PCDHGA4: variants seen among roughly 807,000 people sequenced by gnomAD.
PCDHGA4 encodes protocadherin gamma subfamily A, 4.
PCDHGA4 carries 38 observed loss-of-function variants against 54.6 expected under a neutral mutation model. That is an observed-to-expected ratio of 0.70 (90% CI 0.54 to 0.91). The LOEUF (loss-of-function observed/expected upper bound fraction) is 0.91. Among genes scored for constraint, PCDHGA4 ranks in the 40% least tolerant of loss-of-function variants. The pLI is 0.00. For synonymous variants in PCDHGA4, 511 were observed against 512.9 expected (o/e 1.00, Z 0.05); for missense variants, 1,298 against 1,220.9 (o/e 1.06, Z -0.94).
At chr5:141,466,508 T>C (rs2099123841) in intron 1 of PCDHGA4, among the ~76,000 whole-genome samples, 1 of 152,190 alleles carries the variant, frequency 6.6e-6, no homozygotes, top group African/African-American at 2.4e-5. Context: ...ACAGACAAGA[T>C]CATTTTTTTT....
Position 141,494,869 on chromosome 5 carries a change from G to A in PCDHGA4, c.2573+4G>A. 6.2e-7 allele frequency: 1 copy of A among 1,614,144 alleles called. No individual in the cohort carries two copies. Among genetic ancestry groups the A allele is most frequent in the Non-Finnish European group, 8.5e-7 (1 of 1,180,010 alleles). On this transcript the variant is annotated splice_donor_region_variant and intron_variant, in intron 2 of 3. Coordinates refer to ENST00000571252, the MANE Select transcript of PCDHGA4 (RefSeq NM_018917.4). The stretch of plus-strand genomic sequence containing the variant: ...CCCAGAGACCCGGCACCAGCGGGTA[G>A]GTGACTGATTCTCCAGCCCACCCTC...
At chr5:141,394,050 G>GA (rs2092909261) in intron 1 of PCDHGA4, 4 of 1,613,594 alleles carry the variant, frequency 2.5e-6, no homozygotes, top group Non-Finnish European at 3.4e-6. Context: ...TTTGGACCGA[G>GA]AAAATGTCTC....
intron 1 of PCDHGA4, among the ~76,000 whole-genome samples, chr5:141,472,192 C>A (rs2099274015): frequency 1.3e-5 from 2 of 152,134 alleles, no homozygotes; most frequent in South Asian, 2.1e-4. Context: ...GAATTTGAAT[C>A]TTTTTGACAC....
chr5:141,404,833 C>G (rs754055876), intron 1 of PCDHGA4: 1 of 1,613,844 alleles, frequency 6.2e-7, no homozygotes, highest in Admixed American at 1.7e-5. Flanking sequence ...GTGAAGTGCG[C>G]ACAGCTCGGG....
intron 3 of PCDHGA4, among the ~76,000 whole-genome samples, chr5:141,509,686 G>A (rs1350812680): frequency 6.6e-6 from 1 of 152,212 alleles, no homozygotes; most frequent in Non-Finnish European, 1.5e-5. Flanking sequence ...CTTCTGTACA[G>A]TGGGACGTTG....
chr5:141,473,497 C>T (rs2099323546), intron 1 of PCDHGA4, among the ~76,000 whole-genome samples: 1 of 152,106 alleles, frequency 6.6e-6, no homozygotes, highest in Non-Finnish European at 1.5e-5. Context: ...ATAAGGTGTT[C>T]TGAGAGAGCA....
chr5:141,383,504 G>A lies in PCDHGA4; in HGVS notation c.2514+25883G>A, dbSNP rs373658496. On this transcript the variant is annotated intron_variant, in intron 1 of 3. Coordinates refer to ENST00000571252, the MANE Select transcript of PCDHGA4 (RefSeq NM_018917.4). Reference sequence around the variant, plus strand: ...CTGGTGCTGGAGCGGGTGCTGGACCGGGAGGAAGAGCGGGTTCACCACCTG... The same window carrying A: ...CTGGTGCTGGAGCGGGTGCTGGACCAGGAGGAAGAGCGGGTTCACCACCTG... 1.3e-5 allele frequency: 21 copies of A among 1,612,648 alleles called. No homozygotes were observed. In the Admixed American group the frequency reaches 2.8e-4, roughly 22 times the overall value.
intron 1 of PCDHGA4, chr5:141,412,746 C>T (rs2095574250): frequency 6.5e-6 from 1 of 154,106 alleles, no homozygotes; most frequent in Non-Finnish European, 1.4e-5. Context: ...ATATATTTAA[C>T]CAAACATTAT....
chr5:141,365,498 T>A, intron 1 of PCDHGA4: 1 of 1,613,936 alleles, frequency 6.2e-7, no homozygotes, highest in Non-Finnish European at 8.5e-7. Flanking sequence ...TCCTAGGAAT[T>A]TGCCTTTTAA....
intron 1 of PCDHGA4, among the ~76,000 whole-genome samples, chr5:141,459,184 G>GC (rs2098963022): frequency 6.6e-6 from 1 of 152,134 alleles, no homozygotes; most frequent in South Asian, 2.1e-4. Flanking sequence ...GTTCCCTCAT[G>GC]CCCCTTTGCA....
At position 141,356,311 on chromosome 5, in the gene PCDHGA4, G is replaced by A. The variant is rs1760187791; in HGVS notation, c.1204G>A (p.Val402Met). 1 of 1,554,072 alleles carries A rather than the reference G, an allele frequency of 6.4e-7. No individual in the cohort carries two copies. Residue 402 changes from valine to methionine, a missense_variant, in exon 1 of 4, where the codon GTG becomes ATG. Transcript: ENST00000571252. The stretch of plus-strand genomic sequence containing the variant: ...GGGTACAGTAATTGCACTTTTCAAC[G>A]TGCATGACAGTGACTCAGGAGGAAA... ...SPGTVIALFN[V>M]HDSDSGGNGL...
chr5:141,374,674 G>A, intron 1 of PCDHGA4: 1 of 1,610,698 alleles, frequency 6.2e-7, no homozygotes, highest in Non-Finnish European at 8.5e-7. Flanking sequence ...TGGTGCTGGA[G>A]GGCACACTGG....
At chr5:141,495,392 G>A (rs2099760968) in intron 2 of PCDHGA4, among the ~76,000 whole-genome samples, 2 of 152,186 alleles carry the variant, frequency 1.3e-5, no homozygotes, top group Non-Finnish European at 2.9e-5. Context: ...GGCGGGGCAT[G>A]GAGCAGGCCC....
At chr5:141,415,467 C>T (rs754252558) in intron 1 of PCDHGA4, 2 of 1,614,080 alleles carry the variant, frequency 1.2e-6, no homozygotes, top group African/African-American at 1.3e-5. Context: ...TCTCTCTCAC[C>T]GCGGACTCGC....
chr5:141,485,193 G>T lies in PCDHGA4; in HGVS notation c.2515-9614G>T. The T allele has an allele frequency of 6.2e-7, 1 of 1,613,988 alleles. No homozygotes were observed. Among genetic ancestry groups the T allele is most frequent in the Non-Finnish European group, 8.5e-7 (1 of 1,179,852 alleles). The stretch of plus-strand genomic sequence containing the variant: ...GCAGCAATGCTCCGCAAGGTGAGAA[G>T]CTGGACAGAAATCTGGCGGTGGGCT... On this transcript the variant is annotated intron_variant, in intron 1 of 3. Transcript: ENST00000571252. The surrounding 1 kb of genome is among the most constrained non-coding windows in gnomAD (Gnocchi z 5.7).
Position 141,491,478 on chromosome 5 carries a change from C to A in PCDHGA4, c.2515-3329C>A. ...CCCCGGACTTCTATAAGCAGTCCAG[C>A]CCCAACCTGCAGGTGAGCTCGGACG... On this transcript the variant is annotated intron_variant, in intron 1 of 3. Coordinates refer to ENST00000571252, the MANE Select transcript of PCDHGA4 (RefSeq NM_018917.4). The surrounding 1 kb of genome is among the most constrained non-coding windows in gnomAD (Gnocchi z 6.9). 6.2e-7 allele frequency: 1 copy of A among 1,614,068 alleles called. No individual in the cohort carries two copies. Among genetic ancestry groups the A allele is most frequent in the Non-Finnish European group, 8.5e-7 (1 of 1,180,004 alleles).
chr5:141,420,920 A>G, intron 1 of PCDHGA4: 1 of 338,894 alleles, frequency 3.0e-6, no homozygotes, highest in Middle Eastern at 8.3e-4. Flanking sequence ...GTGATTCACA[A>G]AGGTGAGCGT....
At chr5:141,429,559 A>G (rs2097222911) in intron 1 of PCDHGA4, among the ~76,000 whole-genome samples, 2 of 152,146 alleles carry the variant, frequency 1.3e-5, no homozygotes, top group Admixed American at 6.5e-5. Context: ...TGATTTGATA[A>G]TATTCAGTTA....
intron 1 of PCDHGA4, chr5:141,371,527 T>G: frequency 2.5e-6 from 4 of 1,613,816 alleles, no homozygotes; most frequent in Non-Finnish European, 3.4e-6. Context: ...GATTCTGGAT[T>G]TAATGGAGAA....
Sources: allele counts gnomAD v4.1 joint callset (sites outside exome capture counted in the v4.1 genomes callset), GRCh38; gene constraint gnomAD v4.1.1; non-coding constraint Gnocchi (gnomAD v3.1); transcripts MANE v1.5; gene names NCBI Gene and HGNC (gene_info 2026-07-23, HGNC 2026-07-21).